OMA1: variants seen among roughly 807,000 people sequenced by gnomAD.
OMA1 encodes the protein OMA1 zinc metallopeptidase.
In OMA1, 38 loss-of-function variants were observed where a neutral mutation model predicts 30.9. The observed-to-expected ratio is 1.23, with a 90% CI of 0.95 to 1.61. The LOEUF (loss-of-function observed/expected upper bound fraction) is 1.61. Among genes scored for constraint, OMA1 ranks in the 40% most tolerant of loss-of-function variants. The probability of loss-of-function intolerance (pLI) is 0.00; values close to 1 mark genes in which losing one functional copy is unlikely to be tolerated. For synonymous variants in OMA1, 173 were observed against 121.9 expected, an observed-to-expected ratio of 1.42 and a Z score of -2.76; for missense variants, 461 against 349.2, an observed-to-expected ratio of 1.32 and a Z score of -2.55.
At chr1:58,492,073 C>T (rs996113566) in intron 8 of OMA1, among the ~76,000 whole-genome samples, 6 of 152,122 alleles carry the variant, frequency 3.9e-5, no homozygotes, top group African/African-American at 7.2e-5. Context: ...TCTCTCAGAC[C>T]ACAGTGCAAT....
At chr1:58,538,755 A>G (rs1646557683) in intron 2 of OMA1, 40 bp downstream of exon 2, 1 of 713,380 alleles carries the variant, frequency 1.4e-6, no homozygotes, top group Admixed American at 2.6e-5. Context: ...TTAATGCAAA[A>G]AGTTAATATA....
intron 8 of OMA1, among the ~76,000 whole-genome samples, chr1:58,490,673 T>C (rs1404432983): frequency 1.3e-5 from 2 of 151,156 alleles, no homozygotes; most frequent in Non-Finnish European, 2.9e-5. Context: ...AAGGAAAAAA[T>C]GTTAAGGGCA....
intron 7 of OMA1, among the ~76,000 whole-genome samples, chr1:58,525,071 C>A (rs1302033319): frequency 2.0e-5 from 3 of 152,184 alleles, no homozygotes; most frequent in Non-Finnish European, 2.9e-5. Flanking sequence ...GTTTACATTT[C>A]TCTCAACTGC....
At chr1:58,494,607 A>C (rs1331776717) in intron 8 of OMA1, among the ~76,000 whole-genome samples, 1 of 152,174 alleles carries the variant, frequency 6.6e-6, no homozygotes, top group Admixed American at 6.5e-5. Context: ...AAGTGGGTGA[A>C]GGATATGAAC....
intron 8 of OMA1, among the ~76,000 whole-genome samples, chr1:58,492,247 T>C (rs887726955): frequency 3.3e-5 from 5 of 151,974 alleles, no homozygotes; most frequent in Non-Finnish European, 5.9e-5. Context: ...CCAGAATCTC[T>C]GAGACACATT....
intron 3 of OMA1, among the ~76,000 whole-genome samples, chr1:58,534,686 G>C (rs1390373753): frequency 6.6e-6 from 1 of 152,226 alleles, no homozygotes; most frequent in African/African-American, 2.4e-5. Context: ...TGTAATCCCA[G>C]AACTAGGGGA....
intron 7 of OMA1, among the ~76,000 whole-genome samples, chr1:58,514,943 G>T (rs531260258): frequency 1.3e-5 from 2 of 152,184 alleles, no homozygotes; most frequent in South Asian, 4.1e-4. Flanking sequence ...TACCTCACAG[G>T]GTTGTTATGA....
At chr1:58,493,585 C>T (rs1325669840) in intron 8 of OMA1, among the ~76,000 whole-genome samples, 2 of 151,344 alleles carry the variant, frequency 1.3e-5, no homozygotes, top group Non-Finnish European at 2.9e-5. Flanking sequence ...GATACAAAAT[C>T]AATGTGCAAA....
rs138557426 is a variant in OMA1 at position 58,536,528 on chromosome 1, T to G, written c.714A>C (p.Glu238Asp). Reference sequence around the variant, plus strand: ...TACTACTTACTGCTTCATATTCCAGTTCCGATAAAAGTCTGAACTGTTCTT... The same window carrying G: ...TACTACTTACTGCTTCATATTCCAGGTCCGATAAAAGTCTGAACTGTTCTT... Reference protein sequence around the residue: ...LGKEQFRLLSELEYEAWMEEF... With the variant: ...LGKEQFRLLSDLEYEAWMEEF... Residue 238 changes from glutamate to aspartate, a missense_variant, in exon 3 of 9, where the codon GAA becomes GAC. Physicochemically the swap from Glu to Asp is conservative, Grantham distance 45. Coordinates refer to ENST00000371226, the MANE Select transcript of OMA1 (RefSeq NM_145243.5). 8.9e-5 allele frequency: 78 copies of G among 872,568 alleles called. No homozygotes were observed. In the African/African-American group the frequency reaches 1.0e-3, roughly 11 times the overall value. 54.1% of individuals were successfully genotyped at this position (872,568 alleles called of 1,614,324 possible). A position where few individuals can be genotyped will look rare whatever the true frequency, so the allele number is the denominator to read the frequency against.
chr1:58,545,309 T>C (rs553010591), intron 1 of OMA1, among the ~76,000 whole-genome samples: 23 of 152,340 alleles, frequency 1.5e-4, no homozygotes, highest in African/African-American at 5.1e-4. Flanking sequence ...ACAGAAGGTA[T>C]AAGCAAAAGC....
At chr1:58,518,471 A>G (rs1288431287) in intron 7 of OMA1, among the ~76,000 whole-genome samples, 1 of 151,864 alleles carries the variant, frequency 6.6e-6, no homozygotes, top group African/African-American at 2.4e-5. Flanking sequence ...GGAGGGGAGT[A>G]GGACTGGAGT....
Position 58,537,127 on chromosome 1 carries a change from C to A in OMA1, c.501-386G>T, listed in dbSNP as rs546024814. 8.0e-5 allele frequency among the ~76,000 whole-genome samples: 12 copies of A among 150,638 alleles called. No individual in the cohort carries two copies. The Admixed American group carries it at 8.0e-4, about 10-fold the overall frequency. On this transcript the variant is annotated intron_variant, in intron 2 of 8. Coordinates refer to ENST00000371226, the MANE Select transcript of OMA1 (RefSeq NM_145243.5). ...CATCTCATTTAATCTTCATAATAAC[C>A]CTGTTACAGAAGATAAAATTGTTAG...
chr1:58,483,335 C>G (rs1645521380), intron 8 of OMA1, among the ~76,000 whole-genome samples: 1 of 152,082 alleles, frequency 6.6e-6, no homozygotes, highest in African/African-American at 2.4e-5. Flanking sequence ...TTCTTGTATG[C>G]TAACATTTCA....
chr1:58,518,911 T>A (rs1646215929), intron 7 of OMA1, among the ~76,000 whole-genome samples: 1 of 152,150 alleles, frequency 6.6e-6, no homozygotes, highest in Non-Finnish European at 1.5e-5. Flanking sequence ...ATCCTACAGA[T>A]GAGAAAAGTT....
At chr1:58,531,949 C>T (rs1646440936) in intron 5 of OMA1, among the ~76,000 whole-genome samples, 1 of 152,022 alleles carries the variant, frequency 6.6e-6, no homozygotes, top group African/African-American at 2.4e-5. Flanking sequence ...CCTCATGATC[C>T]ACCCACCTCA....
At chr1:58,535,947 T>G (rs1484413214) in intron 3 of OMA1, among the ~76,000 whole-genome samples, 1 of 152,014 alleles carries the variant, frequency 6.6e-6, no homozygotes, top group Non-Finnish European at 1.5e-5. Context: ...AAATATATAC[T>G]AAGCTCTACT....
At chr1:58,525,680 C>T (rs928066840) in intron 7 of OMA1, among the ~76,000 whole-genome samples, 1 of 152,072 alleles carries the variant, frequency 6.6e-6, no homozygotes, top group African/African-American at 2.4e-5. Context: ...CCAATCAAAA[C>T]CCCATGTGTT....
intron 2 of OMA1, among the ~76,000 whole-genome samples, chr1:58,537,839 A>T (rs1646541367): frequency 6.6e-6 from 1 of 152,226 alleles, no homozygotes; most frequent in Non-Finnish European, 1.5e-5. Flanking sequence ...AAAATGTATG[A>T]AAGACATATT....
At chr1:58,481,352 T>C (rs1224116282) in intron 8 of OMA1, among the ~76,000 whole-genome samples, 178 bp from the exon 9 acceptor site, 2 of 152,156 alleles carry the variant, frequency 1.3e-5, no homozygotes, top group Non-Finnish European at 2.9e-5. Flanking sequence ...CAGTGAACAG[T>C]TGTTTTCATG....
Sources: gnomAD v4.1 joint callset for allele counts (sites outside exome capture counted in the v4.1 genomes callset) on GRCh38, gnomAD v4.1.1 for gene constraint, MANE v1.5 for transcripts, NCBI Gene and HGNC (gene_info 2026-07-23, HGNC 2026-07-21) for gene names.